Variants in PSMD14 observed in about 807,000 individuals in gnomAD.
PSMD14 encodes the protein proteasome 26S subunit, non-ATPase 14, also known as ubiquitin C-terminal hydrolase PSMD14.
In PSMD14, 7 loss-of-function variants were observed where a neutral mutation model predicts 41.2. That is an observed-to-expected ratio of 0.17 (90% CI 0.10 to 0.32). The LOEUF is 0.32. Ranked by LOEUF, PSMD14 falls within the 10% of genes least tolerant of loss-of-function variation. The pLI is 1.00. For missense variants in PSMD14, 139 were observed against 375.6 expected (o/e 0.37, Z 5.21); for synonymous variants, 114 against 122.3 (o/e 0.93, Z 0.45).
chr2:161,361,558 A>G (rs1448540995), intron 3 of PSMD14, among the ~76,000 whole-genome samples: 2 of 152,178 alleles, frequency 1.3e-5, no homozygotes, highest in African/African-American at 4.8e-5. Context: ...CTCTAACATA[A>G]TGATATCAAA....
intron 3 of PSMD14, among the ~76,000 whole-genome samples, chr2:161,360,779 G>A (rs183202139): frequency 5.9e-5 from 9 of 152,098 alleles, no homozygotes; most frequent in East Asian, 1.9e-4. Context: ...CTCATGATCC[G>A]CCTGCCTTGG....
intron 10 of PSMD14, among the ~76,000 whole-genome samples, chr2:161,398,872 T>C (rs2105269849): frequency 6.6e-6 from 1 of 152,170 alleles, no homozygotes; most frequent in East Asian, 1.9e-4. Context: ...ACAACAGATA[T>C]AAATATTGGG....
intron 1 of PSMD14, among the ~76,000 whole-genome samples, chr2:161,314,067 C>G (rs1014456719): frequency 1.3e-5 from 2 of 152,128 alleles, no homozygotes; most frequent in African/African-American, 4.8e-5. Context: ...GGATGGCCAT[C>G]TTTCCTTCAT....
intron 7 of PSMD14, among the ~76,000 whole-genome samples, chr2:161,378,824 A>G (rs1380247025): frequency 6.6e-6 from 1 of 151,980 alleles, no homozygotes; most frequent in Non-Finnish European, 1.5e-5. Context: ...TAATACCTAC[A>G]CTTGTTTGTT....
At chr2:161,321,307 T>G (rs1215975532) in intron 3 of PSMD14, among the ~76,000 whole-genome samples, 4 of 152,216 alleles carry the variant, frequency 2.6e-5, no homozygotes, top group Non-Finnish European at 5.9e-5. Flanking sequence ...TGAGAGTTCC[T>G]TAAGGTTATT....
intron 1 of PSMD14, among the ~76,000 whole-genome samples, chr2:161,311,265 C>T (rs906858511): frequency 6.6e-6 from 1 of 151,838 alleles, no homozygotes; most frequent in Non-Finnish European, 1.5e-5. Context: ...GCTGAGATTG[C>T]GACACTACAC....
chr2:161,321,626 A>G (rs775609876), intron 3 of PSMD14, among the ~76,000 whole-genome samples: 19 of 152,202 alleles, frequency 1.2e-4, no homozygotes, highest in Non-Finnish European at 2.4e-4. Context: ...CTTTGGACTG[A>G]CACTTTAACC....
At chr2:161,400,835 A>G (rs568626032) in intron 10 of PSMD14, among the ~76,000 whole-genome samples, 4 of 152,194 alleles carry the variant, frequency 2.6e-5, no homozygotes, top group Admixed American at 2.6e-4. Context: ...CATGAGCCAT[A>G]GCACCTGGCA....
rs1326088027 is a variant in PSMD14 at position 161,328,434 on chromosome 2, C to CT, written c.48+9568dup. 3.3e-5 allele frequency among the ~76,000 whole-genome samples: 5 copies of CT among 151,802 alleles called. No homozygotes were observed. In the East Asian group the frequency reaches 5.8e-4, roughly 18 times the overall value. ...AAATTTAAAAAACATAAAGTAACAC[C>CT]TTTTTTTAGAGTTATATAACTCCTG... On this transcript the variant is annotated intron_variant, in intron 3 of 11. Coordinates refer to ENST00000409682, the MANE Select transcript of PSMD14 (RefSeq NM_005805.6).
chr2:161,343,300 A>G (rs545045740), intron 3 of PSMD14, among the ~76,000 whole-genome samples: 18 of 152,318 alleles, frequency 1.2e-4, no homozygotes, highest in Non-Finnish European at 1.9e-4. Context: ...AGGACCTCAC[A>G]TATATGGAAT....
intron 10 of PSMD14, among the ~76,000 whole-genome samples, chr2:161,406,292 A>G (rs1683946715): frequency 1.3e-5 from 2 of 152,202 alleles, no homozygotes; most frequent in South Asian, 4.1e-4. Flanking sequence ...ATGATGGGAT[A>G]GCCATCTGGG....
chr2:161,313,962 T>C (rs570547832), intron 1 of PSMD14, among the ~76,000 whole-genome samples: 7 of 152,356 alleles, frequency 4.6e-5, no homozygotes, highest in South Asian at 4.1e-4. Flanking sequence ...CACAGTGTTA[T>C]GTAACTGTCA....
At chr2:161,411,161 T>C in intron 11 of PSMD14, 141 bp from the exon 12 acceptor site, 1 of 519,644 alleles carries the variant, frequency 1.9e-6, no homozygotes, top group Non-Finnish European at 3.4e-6. Context: ...TGTAACAATA[T>C]ACTAGTAAAG....
chr2:161,371,357 C>G, intron 7 of PSMD14, 35 bp downstream of exon 7: 1 of 1,573,536 alleles, frequency 6.4e-7, no homozygotes, highest in South Asian at 1.2e-5. Context: ...CCATCTACTG[C>G]CACATTCTGT....
intron 10 of PSMD14, among the ~76,000 whole-genome samples, chr2:161,397,459 A>G (rs923059848): frequency 6.6e-6 from 1 of 152,180 alleles, no homozygotes; most frequent in African/African-American, 2.4e-5. Flanking sequence ...CAATTTAGGT[A>G]GAAGTAGAAG....
In PSMD14 at chr2:161,391,089, C is replaced by T. The variant is rs1375000735; in HGVS notation, c.571-15C>T. On this transcript the variant is annotated splice_polypyrimidine_tract_variant and intron_variant, in intron 8 of 11. Transcript: ENST00000409682. ...AATATTAATTTGTCCTTTTTAAAAT[C>T]ATTTATCTATATAGGCATTAATTCA... 5 of 1,454,442 alleles carry T rather than the reference C, an allele frequency of 3.4e-6. No homozygotes were observed. Among genetic ancestry groups the T allele is most frequent in the Non-Finnish European group, 4.5e-6 (5 of 1,099,588 alleles). The allele number at this position is 1,454,442 out of a possible 1,614,324, so 90.1% of individuals were successfully genotyped here.
intron 3 of PSMD14, among the ~76,000 whole-genome samples, chr2:161,327,335 A>C (rs1000721900): frequency 6.6e-6 from 1 of 152,174 alleles, no homozygotes; most frequent in Non-Finnish European, 1.5e-5. Context: ...AATGTGCCTA[A>C]TGCCACTGAA....
intron 8 of PSMD14, among the ~76,000 whole-genome samples, chr2:161,389,883 T>TTTG (rs1158919504): frequency 0.17 from 8,362 of 49,058 alleles, 2,308 homozygotes; most frequent in Middle Eastern, 0.31. Context: ...TTCTTTCTTT[T>TTTG]TTGTTGTTTT....
intron 7 of PSMD14, among the ~76,000 whole-genome samples, chr2:161,378,359 G>T (rs967845740): frequency 3.9e-5 from 6 of 151,942 alleles, no homozygotes; most frequent in Non-Finnish European, 7.4e-5. Context: ...GAACTGAGCA[G>T]TGATAAGTAA....
Sources: allele counts gnomAD v4.1 joint callset (sites outside exome capture counted in the v4.1 genomes callset), GRCh38; gene constraint gnomAD v4.1.1; transcripts MANE v1.5; gene names NCBI Gene and HGNC (gene_info 2026-07-23, HGNC 2026-07-21).